Variants in FAM171A2 observed in about 807,000 individuals in gnomAD.
The protein encoded by FAM171A2 is protein FAM171A2.
In FAM171A2, 13 loss-of-function variants were observed where a neutral mutation model predicts 34.2. The ratio of observed to expected loss-of-function variants is 0.38; its 90% confidence interval spans 0.25 to 0.60. The LOEUF is 0.60. Among genes scored for constraint, FAM171A2 ranks in the 20% least tolerant of loss-of-function variants. FAM171A2 has a pLI of 0.62. For synonymous variants in FAM171A2, 475 were observed against 561.2 expected (o/e 0.85, Z 2.17); for missense variants, 950 against 1,180.7 (o/e 0.80, Z 2.86).
At position 44,354,414 on chromosome 17, in the gene FAM171A2, G is replaced by C. The variant is rs2048409275; in HGVS notation, c.1800C>G (p.Gly600=). 1 of 1,156,708 alleles carries C rather than the reference G, an allele frequency of 8.6e-7. No individual in the cohort carries two copies. Among genetic ancestry groups the C allele is most frequent in the Non-Finnish European group, 1.1e-6 (1 of 935,512 alleles). The allele number at this position is 1,156,708 out of a possible 1,614,324, so 71.7% of individuals were successfully genotyped here. The change falls in exon 8 of 8, where the codon GGC becomes GGG. Residue 600 remains glycine (G), a synonymous_variant. Coordinates refer to ENST00000293443, the MANE Select transcript of FAM171A2 (RefSeq NM_198475.3). The surrounding 1 kb of genome is among the most constrained non-coding windows in gnomAD (Gnocchi z 5.8). ...CGCGCCCGGCCCCCCAGCCCTCGCC[G>C]CCGCCCCCGCCGCCCTCGCCCCCCG... ...SGPGGEGGGG[G]GEGWGAGRAA... is the part of the protein sequence containing the mutation.
At chr17:44,362,150 C>A (rs2048450472) in intron 1 of FAM171A2, among the ~76,000 whole-genome samples, 1 of 152,094 alleles carries the variant, frequency 6.6e-6, no homozygotes, top group Non-Finnish European at 1.5e-5. Context: ...CCCTTTCCCT[C>A]AACCTGGGCT....
chr17:44,360,507 C>T (rs185372133), intron 1 of FAM171A2, among the ~76,000 whole-genome samples: 1 of 152,284 alleles, frequency 6.6e-6, no homozygotes, highest in East Asian at 1.9e-4. Flanking sequence ...ATAATATATG[C>T]TCTTAGTCCA....
chr17:44,359,586 G>A lies in FAM171A2; in HGVS notation c.432C>T (p.Gly144=). ...GGTGAGGGGGAGCCTTACCGGGAGA[G>A]CCTAGGAGAATGTGCACCAGGTCCT... The part of the protein sequence containing the change: ...LYEDLVHILL[G]SPGARSQPLV... The change falls in exon 3 of 8, where the codon GGC becomes GGT. Residue 144 remains glycine (G), a synonymous_variant. Coordinates refer to ENST00000293443, the MANE Select transcript of FAM171A2 (RefSeq NM_198475.3). 6.4e-7 allele frequency: 1 copy of A among 1,551,242 alleles called. No individual in the cohort carries two copies. Among genetic ancestry groups the A allele is most frequent in the Non-Finnish European group, 8.7e-7 (1 of 1,146,874 alleles).
intron 1 of FAM171A2, 115 bp from the exon 2 acceptor site, chr17:44,360,247 T>A: frequency 1.2e-6 from 1 of 832,000 alleles, no homozygotes; most frequent in Non-Finnish European, 1.9e-6. Flanking sequence ...GGGCTGAGGC[T>A]AGAGAAGGCA....
In FAM171A2 at chr17:44,353,868, G is replaced by A. The variant is rs2048404323; in HGVS notation, c.2346C>T (p.Ala782=). The part of the protein sequence containing the change: ...RSRGDSSRSS[A]SELRRDSLTS... The stretch of plus-strand genomic sequence containing the variant: ...TGAGCGAGTCGCGCCGCAGCTCGCT[G>A]GCGCTGCTGCGGGAGCTGTCCCCGC... Residue 782 remains alanine, a synonymous_variant, in exon 8 of 8, where the codon GCC becomes GCT. Coordinates refer to ENST00000293443, the MANE Select transcript of FAM171A2 (RefSeq NM_198475.3). 3.6e-6 allele frequency: 5 copies of A among 1,370,010 alleles called. No homozygotes were observed. The highest frequency in any genetic ancestry group is 1.6e-5 in the South Asian group (1 of 63,786). The allele number at this position is 1,370,010 out of a possible 1,614,324, so 84.9% of individuals were successfully genotyped here.
chr17:44,360,389 C>G (rs1328911439), intron 1 of FAM171A2, among the ~76,000 whole-genome samples: 1 of 152,232 alleles, frequency 6.6e-6, no homozygotes, highest in African/African-American at 2.4e-5. Context: ...TAAACTCGGG[C>G]TATGCCTATG....
At chr17:44,357,386 C>T (rs376591747) in intron 3 of FAM171A2, among the ~76,000 whole-genome samples, 26 of 150,156 alleles carry the variant, frequency 1.7e-4, no homozygotes, top group Admixed American at 4.6e-4. Flanking sequence ...CGGTGGCTCA[C>T]GCCTGTAATC....
At chr17:44,363,190 C>A (rs1213502815) in intron 1 of FAM171A2, among the ~76,000 whole-genome samples, 1 of 152,080 alleles carries the variant, frequency 6.6e-6, no homozygotes, top group African/African-American at 2.4e-5. Context: ...ATGCCGGCGC[C>A]CCCACCCCGC....
intron 3 of FAM171A2, among the ~76,000 whole-genome samples, chr17:44,358,652 C>G (rs1007476949): frequency 2.6e-5 from 4 of 152,058 alleles, no homozygotes; most frequent in African/African-American, 9.7e-5. Flanking sequence ...GGTTATACCA[C>G]TTCAGCCTGG....
At position 44,359,566 on chromosome 17, in the gene FAM171A2, G is replaced by A. The variant is rs563583387; in HGVS notation, c.439+13C>T. 36 of 1,549,774 alleles carry A rather than the reference G, an allele frequency of 2.3e-5. No individual in the cohort carries two copies. Among genetic ancestry groups the A allele is most frequent in the Admixed American group, 3.9e-5 (2 of 50,984 alleles). ...AAGGAAGAAGAGTTGGCGTGGGTGA[G>A]GGGGAGCCTTACCGGGAGAGCCTAG... On this transcript the variant is annotated intron_variant, in intron 3 of 7. Coordinates refer to ENST00000293443, the MANE Select transcript of FAM171A2 (RefSeq NM_198475.3).
chr17:44,354,921 C>G lies in FAM171A2; in HGVS notation c.1293G>C (p.Ser431=). ...CGGCGCTCTCGCCCCCGCGGGCACCCGAAGGCTCGGCGGCCGGGCGGCTGG... is the reference window on the plus strand; with the variant it reads ...CGGCGCTCTCGCCCCCGCGGGCACCGGAAGGCTCGGCGGCCGGGCGGCTGG... ...RSASRPAAEP[S]GARGGESAGL... is the part of the protein sequence containing the mutation. Residue 431 remains serine (S), a synonymous_variant, in exon 8 of 8, where the codon TCG becomes TCC. Coordinates refer to ENST00000293443, the MANE Select transcript of FAM171A2 (RefSeq NM_198475.3). The surrounding 1 kb of genome is among the most constrained non-coding windows in gnomAD (Gnocchi z 5.8). 7.1e-7 allele frequency: 1 copy of G among 1,417,810 alleles called. No homozygotes were observed. The highest frequency in any genetic ancestry group is 9.2e-7 in the Non-Finnish European group (1 of 1,090,164). The allele number at this position is 1,417,810 out of a possible 1,614,324, so 87.8% of individuals were successfully genotyped here.
chr17:44,363,816 TC>T lies in FAM171A2; in HGVS notation c.-103del. ...CTGCGCCGCGCCTCGCAGCTCCGGC[TC>T]CCGCTCCCGCTGCGGCGCCCGCTCA... On this transcript the variant is annotated 5_prime_UTR_variant, in exon 1 of 8. Transcript: ENST00000293443. 1 of 443,826 alleles carries T rather than the reference TC, an allele frequency of 2.3e-6. No homozygotes were observed. The highest frequency in any genetic ancestry group is 3.4e-6 in the Non-Finnish European group (1 of 295,560). The allele number at this position is 443,826 out of a possible 1,614,324, so 27.5% of individuals were successfully genotyped here.
At chr17:44,356,134 C>T (rs1349642882) in intron 5 of FAM171A2, 39 bp downstream of exon 5, 8 of 1,524,914 alleles carry the variant, frequency 5.2e-6, no homozygotes, top group Admixed American at 2.1e-5. Flanking sequence ...CCACTTTCTT[C>T]TCTCAACTCA....
Position 44,356,226 on chromosome 17 carries a change from C to G in FAM171A2, c.725G>C (p.Arg242Pro). The G allele has an allele frequency of 6.4e-7, 1 of 1,551,344 alleles. No homozygotes were observed. The highest frequency in any genetic ancestry group is 8.7e-7 in the Non-Finnish European group (1 of 1,146,818). ...AATGCTGGTGCCCACGGTGAGGGCACGAGTCTCGGAGGGCACGGGCAGGGA... is the reference window on the plus strand; with the variant it reads ...AATGCTGGTGCCCACGGTGAGGGCAGGAGTCTCGGAGGGCACGGGCAGGGA... ...HLSLPVPSET[R>P]ALTVGTSIPA... The change falls in exon 5 of 8, where the codon CGT becomes CCT. Residue 242 changes from arginine to proline, a missense_variant. Arg to Pro is a moderately radical substitution (Grantham distance 103). Around this residue, in one of 3 missense-constraint regions of FAM171A2, gnomAD observed 752 missense variants for 924.5 expected, o/e 0.81. Transcript: ENST00000293443.
chr17:44,361,583 C>T (rs2048448066), intron 1 of FAM171A2, among the ~76,000 whole-genome samples: 1 of 152,190 alleles, frequency 6.6e-6, no homozygotes, highest in Non-Finnish European at 1.5e-5. Flanking sequence ...GCATCCCATC[C>T]AGCTGTTCCC....
At chr17:44,358,206 G>A (rs1001256828) in intron 3 of FAM171A2, among the ~76,000 whole-genome samples, 2 of 152,228 alleles carry the variant, frequency 1.3e-5, no homozygotes, top group Admixed American at 6.5e-5. Flanking sequence ...GCCCAGAGGC[G>A]TGGGGCAGAG....
In FAM171A2 at chr17:44,355,657, T is replaced by C. The variant is rs769014979; in HGVS notation, c.1022+58A>G. 8 of 1,546,412 alleles carry C rather than the reference T, an allele frequency of 5.2e-6. No homozygotes were observed. Among genetic ancestry groups the C allele is most frequent in the Admixed American group, 2.0e-5 (1 of 50,674 alleles). ...GACCAGAAGTGGATTTTATGCATCTTTGGGGCCCCAGGGCCCGGTACAAGT... is the reference window on the plus strand; with the variant it reads ...GACCAGAAGTGGATTTTATGCATCTCTGGGGCCCCAGGGCCCGGTACAAGT... On this transcript the variant is annotated intron_variant, in intron 7 of 7. Coordinates refer to ENST00000293443, the MANE Select transcript of FAM171A2 (RefSeq NM_198475.3). The surrounding 1 kb of genome is among the most constrained non-coding windows in gnomAD (Gnocchi z 4.1).
rs1260240428 is a variant in FAM171A2 at position 44,353,344 on chromosome 17, C to T, written c.*389G>A. 1 of 176,808 alleles carries T rather than the reference C, an allele frequency of 5.7e-6. No homozygotes were observed. Among genetic ancestry groups the T allele is most frequent in the Non-Finnish European group, 1.2e-5 (1 of 83,188 alleles). The allele number at this position is 176,808 out of a possible 1,614,324, so 11.0% of individuals were successfully genotyped here. ...CAGAGATGGGCTAGTCAGCAAGCAG[C>T]ACCCCCTCCCCTCCCAGGGGTCCAC... On this transcript the variant is annotated 3_prime_UTR_variant, in exon 8 of 8. Transcript: ENST00000293443.
chr17:44,356,682 G>T, intron 3 of FAM171A2, 94 bp from the exon 4 acceptor site: 1 of 1,378,260 alleles, frequency 7.3e-7, no homozygotes, highest in Non-Finnish European at 9.6e-7. Flanking sequence ...AGGGGGACAT[G>T]AGGTCAGGCC....
Sources: gnomAD v4.1 joint callset for allele counts (sites outside exome capture counted in the v4.1 genomes callset) on GRCh38, gnomAD v4.1.1 for gene constraint, gnomAD v4.1.1 regional missense constraint, Gnocchi (gnomAD v3.1) non-coding constraint, MANE v1.5 for transcripts, NCBI Gene and HGNC (gene_info 2026-07-23, HGNC 2026-07-21) for gene names.